The following NRG3 variants were observed in gnomAD, a reference collection of about 807,000 sequenced individuals.
NRG3 encodes neuregulin 3.
NRG3 carries 31 observed loss-of-function variants against 66.9 expected under a neutral mutation model. The observed-to-expected ratio is 0.46, with a 90% CI of 0.35 to 0.63. The LOEUF (loss-of-function observed/expected upper bound fraction) is 0.63. Among genes scored for constraint, NRG3 ranks in the 20% least tolerant of loss-of-function variants. The pLI is 0.00. For missense variants in NRG3, 910 were observed against 878.9 expected, an observed-to-expected ratio of 1.04 and a Z score of -0.45; for synonymous variants, 393 against 359.4, an observed-to-expected ratio of 1.09 and a Z score of -1.06.
intron 3 of NRG3, among the ~76,000 whole-genome samples, chr10:82,850,089 G>A (rs554955402): frequency 3.4e-4 from 52 of 152,282 alleles, no homozygotes; most frequent in Admixed American, 8.5e-4. Context: ...AAGGGGCTAC[G>A]TGAACAGTTA....
At chr10:82,851,711 A>T (rs932703395) in intron 3 of NRG3, among the ~76,000 whole-genome samples, 4 of 148,888 alleles carry the variant, frequency 2.7e-5, no homozygotes, top group African/African-American at 1.0e-4. Flanking sequence ...CTTGAACAAA[A>T]GTTCGAAAGT....
At chr10:82,249,492 C>T (rs150733473) in intron 1 of NRG3, among the ~76,000 whole-genome samples, 1 of 151,990 alleles carries the variant, frequency 6.6e-6, no homozygotes, top group Non-Finnish European at 1.5e-5. Flanking sequence ...CAGCTTTTGG[C>T]TCATAGTAGC....
At chr10:82,110,538 A>C (rs1228716031) in intron 1 of NRG3, among the ~76,000 whole-genome samples, 1 of 152,172 alleles carries the variant, frequency 6.6e-6, no homozygotes, top group Non-Finnish European at 1.5e-5. Context: ...AGGCTATTCC[A>C]TGAAATGATG....
In NRG3 at chr10:82,545,391, T is replaced by G. The variant is rs1234507797; in HGVS notation, c.953+186523T>G. 2.0e-5 allele frequency among the ~76,000 whole-genome samples: 3 copies of G among 150,410 alleles called. No homozygotes were observed. The East Asian group carries it at 5.8e-4, about 29-fold the overall frequency. ...TTGCTAATAGCATTTTTTTTTTTTT[T>G]TTTTTGAGACGGAGTCTCTCTCTGT... On this transcript the variant is annotated intron_variant, in intron 2 of 8. Coordinates refer to ENST00000372141, the MANE Select transcript of NRG3 (RefSeq NM_001010848.4).
chr10:82,274,336 T>C (rs2078739113), intron 1 of NRG3, among the ~76,000 whole-genome samples: 1 of 152,038 alleles, frequency 6.6e-6, no homozygotes, highest in Non-Finnish European at 1.5e-5. Context: ...GGCTGGAAGA[T>C]TGAGTGAACT....
chr10:82,333,223 A>G (rs2082225006), intron 1 of NRG3, among the ~76,000 whole-genome samples: 1 of 152,216 alleles, frequency 6.6e-6, no homozygotes, highest in South Asian at 2.1e-4. Context: ...CTTGTCCTTA[A>G]GGAGCTCAGG....
intron 2 of NRG3, among the ~76,000 whole-genome samples, chr10:82,456,985 C>A (rs1392256818): frequency 6.6e-6 from 1 of 152,020 alleles, no homozygotes; most frequent in Non-Finnish European, 1.5e-5. Flanking sequence ...GGAATGCCTG[C>A]GATCATCATA....
chr10:82,618,019 A>G (rs889175981), intron 2 of NRG3, among the ~76,000 whole-genome samples: 1 of 152,130 alleles, frequency 6.6e-6, no homozygotes, highest in South Asian at 2.1e-4. Flanking sequence ...TCCCCTGCCC[A>G]CCTGGGCTGT....
intron 2 of NRG3, among the ~76,000 whole-genome samples, chr10:82,549,639 T>C (rs1400485745): frequency 6.6e-6 from 1 of 152,194 alleles, no homozygotes; most frequent in East Asian, 1.9e-4. Context: ...TAATTGAGCA[T>C]GTCCCTGGAG....
intron 1 of NRG3, among the ~76,000 whole-genome samples, chr10:81,967,470 T>C (rs1015079353): frequency 1.3e-5 from 2 of 152,124 alleles, no homozygotes; most frequent in Non-Finnish European, 2.9e-5. Flanking sequence ...ATGTTCTATA[T>C]GTGTTTGAAA....
In NRG3 at chr10:82,527,394, C is replaced by T. The variant is rs555365875; in HGVS notation, c.953+168526C>T. On this transcript the variant is annotated intron_variant, in intron 2 of 8. Transcript: ENST00000372141. Reference sequence around the variant, plus strand: ...CTACAATTTTAAAAAATGTGCATTACAATGGTAAAGATAGTGGCTGTTTGC... The same window carrying T: ...CTACAATTTTAAAAAATGTGCATTATAATGGTAAAGATAGTGGCTGTTTGC... Among the ~76,000 whole-genome samples, 226 of 151,904 alleles carry T rather than the reference C, an allele frequency of 1.5e-3. 2 individuals carry two copies. The highest frequency in any genetic ancestry group is 2.7e-3 in the Non-Finnish European group (183 of 67,946).
At chr10:82,685,100 A>G (rs1443996029) in intron 2 of NRG3, among the ~76,000 whole-genome samples, 1 of 152,072 alleles carries the variant, frequency 6.6e-6, no homozygotes, top group Non-Finnish European at 1.5e-5. Context: ...ATGAAAAATG[A>G]ACAAGCAAGA....
At chr10:81,888,873 A>G (rs1268796629) in intron 1 of NRG3, among the ~76,000 whole-genome samples, 1 of 152,180 alleles carries the variant, frequency 6.6e-6, no homozygotes, top group Non-Finnish European at 1.5e-5. Flanking sequence ...GGAGAGAGGA[A>G]TGAGCAGCGA....
intron 1 of NRG3, among the ~76,000 whole-genome samples, chr10:82,029,943 A>G (rs1174236599): frequency 6.6e-6 from 1 of 152,126 alleles, no homozygotes; most frequent in Non-Finnish European, 1.5e-5. Context: ...CTAAAGTATA[A>G]GAAAGCCTCC....
rs997434587 is a variant in NRG3, at chr10:82,116,962, C to T, written c.823+240799C>T. 6.6e-5 allele frequency among the ~76,000 whole-genome samples: 10 copies of T among 152,052 alleles called. No homozygotes were observed. The East Asian group carries it at 7.7e-4, about 12-fold the overall frequency. ...GCTTTGCCCTCAACAAGCTGCAACC[C>T]ACTCTCTTTCTAGGGTTCACCTCAA... On this transcript the variant is annotated intron_variant, in intron 1 of 8. Coordinates refer to ENST00000372141, the MANE Select transcript of NRG3 (RefSeq NM_001010848.4).
intron 5 of NRG3, among the ~76,000 whole-genome samples, chr10:82,953,043 T>C (rs1849689573): frequency 6.6e-6 from 1 of 151,928 alleles, no homozygotes; most frequent in Non-Finnish European, 1.5e-5. Flanking sequence ...AACTAAAGTC[T>C]GTATTTTCAG....
intron 3 of NRG3, among the ~76,000 whole-genome samples, chr10:82,811,867 A>G (rs1466312352): frequency 6.6e-6 from 1 of 152,188 alleles, no homozygotes; most frequent in East Asian, 1.9e-4. Flanking sequence ...GTCTTAATCC[A>G]TACTTCAGGG....
At chr10:82,270,518 C>A (rs956353567) in intron 1 of NRG3, among the ~76,000 whole-genome samples, 1 of 152,082 alleles carries the variant, frequency 6.6e-6, no homozygotes, top group East Asian at 1.9e-4. Flanking sequence ...TACCTCTTTG[C>A]TTTCCTGCTT....
chr10:82,755,803 A>C (rs1334026719), intron 3 of NRG3, among the ~76,000 whole-genome samples: 1 of 152,186 alleles, frequency 6.6e-6, no homozygotes, highest in Admixed American at 6.6e-5. Flanking sequence ...ACCTGATGAT[A>C]GGCCTAGGTA....
Sources: allele counts gnomAD v4.1 joint callset (sites outside exome capture counted in the v4.1 genomes callset), GRCh38; gene constraint gnomAD v4.1.1; transcripts MANE v1.5; gene names NCBI Gene and HGNC (gene_info 2026-07-23, HGNC 2026-07-21).